The following BCO2 variants were observed in gnomAD, a reference collection of about 807,000 sequenced individuals.
BCO2 encodes beta-carotene oxygenase 2.
Under a neutral mutation model 65.8 loss-of-function variants are expected in BCO2, and 56 were observed. The observed-to-expected ratio is 0.85, with a 90% confidence interval of 0.69 to 1.06. BCO2 has a LOEUF of 1.06. BCO2 is among the 50% of genes least tolerant of loss of function. The pLI is 0.00. For synonymous variants in BCO2, 233 were observed against 242.3 expected (o/e 0.96, Z 0.36); for missense variants, 675 against 698.5 (o/e 0.97, Z 0.38).
In BCO2 at chr11:112,200,690, C is replaced by T. The variant is rs201362479; in HGVS notation, c.943C>T (p.Arg315Trp). Residue 315 changes from arginine (R) to tryptophan (W), a missense_variant, in exon 7 of 12, where the codon CGG becomes TGG. By Grantham distance (101) the Arg-to-Trp change is moderately radical. Transcript: ENST00000357685. ...GTGGAAAATTGCCACTTCTAAAATT[C>T]GGGGAAAGGCCTTTTCAGATGGGAT... ...NLWKIATSKIRGKAFSDGISW... is the reference protein window; with the variant it reads ...NLWKIATSKIWGKAFSDGISW... The T allele has an allele frequency of 5.0e-5, 81 of 1,613,734 alleles. No homozygotes were observed. In the East Asian group the frequency reaches 9.6e-4, roughly 19 times the overall value.
intron 8 of BCO2, among the ~76,000 whole-genome samples, chr11:112,211,317 TATACACAC>T (rs1253341986): frequency 1.6e-5 from 1 of 62,742 alleles, no homozygotes; most frequent in Non-Finnish European, 3.3e-5. Flanking sequence ...TATTCGATTG[TATACACAC>T]ACACACACAC....
chr11:112,194,652 G>A lies in BCO2; in HGVS notation c.634-1G>A, dbSNP rs754004705. The stretch of plus-strand genomic sequence containing the variant: ...AATCTCCAGTGGTCTCAAATTTGCA[G>A]GTAGATTGGAGCAAATTTATTGCTG... On this transcript the variant is annotated splice_acceptor_variant, in intron 4 of 11. Coordinates refer to ENST00000357685, the MANE Select transcript of BCO2 (RefSeq NM_031938.7). LOFTEE classifies it high-confidence loss of function. 36 of 1,602,678 alleles carry A rather than the reference G, an allele frequency of 2.2e-5. 1 individual carries two copies. Among genetic ancestry groups the A allele is most frequent in the Non-Finnish European group, 2.9e-5 (34 of 1,170,490 alleles).
intron 8 of BCO2, among the ~76,000 whole-genome samples, chr11:112,210,590 A>G (rs1427423136): frequency 6.6e-6 from 1 of 152,166 alleles, no homozygotes; most frequent in Non-Finnish European, 1.5e-5. Flanking sequence ...AAAACTATTG[A>G]AAAGCCCTTC....
At chr11:112,201,903 C>T in intron 7 of BCO2, 120 bp from the exon 8 acceptor site, 1 of 825,118 alleles carries the variant, frequency 1.2e-6, no homozygotes, top group Admixed American at 3.1e-5. Flanking sequence ...CCTGCCACTT[C>T]AGAGGGGAAA....
At chr11:112,196,108 G>C (rs1475478334) in intron 5 of BCO2, among the ~76,000 whole-genome samples, 3 of 152,188 alleles carry the variant, frequency 2.0e-5, no homozygotes, top group Non-Finnish European at 2.9e-5. Context: ...CTGGGTGTCT[G>C]TTTGTCTTAC....
intron 2 of BCO2, among the ~76,000 whole-genome samples, chr11:112,183,354 A>G (rs1339048535): frequency 6.6e-6 from 1 of 152,172 alleles, no homozygotes; most frequent in Non-Finnish European, 1.5e-5. Flanking sequence ...AATGGAAAAA[A>G]CTGACTTTTT....
intron 5 of BCO2, among the ~76,000 whole-genome samples, chr11:112,198,646 G>A (rs1867646058): frequency 6.6e-6 from 1 of 152,056 alleles, no homozygotes; most frequent in Admixed American, 6.6e-5. Flanking sequence ...TATCTGCGTT[G>A]ATTCTTGAAG....
intron 2 of BCO2, among the ~76,000 whole-genome samples, chr11:112,192,085 G>C (rs1345925748): frequency 1.3e-5 from 2 of 151,954 alleles, no homozygotes; most frequent in African/African-American, 4.8e-5. Context: ...TCTCCTTCCT[G>C]CTTCCTCCTG....
At chr11:112,200,517 C>T (rs1410686417) in intron 6 of BCO2, 96 bp from the exon 7 acceptor site, 18 of 1,072,002 alleles carry the variant, frequency 1.7e-5, no homozygotes, top group Middle Eastern at 2.5e-4. Context: ...GCATCAGTAA[C>T]GTGTCCAGGC....
intron 2 of BCO2, among the ~76,000 whole-genome samples, chr11:112,185,414 A>G (rs1361762975): frequency 2.6e-5 from 4 of 152,244 alleles, no homozygotes; most frequent in Non-Finnish European, 5.9e-5. Context: ...CTCTATGGCC[A>G]GGAAGGAATC....
At chr11:112,188,358 C>G (rs985817073) in intron 2 of BCO2, among the ~76,000 whole-genome samples, 4 of 152,196 alleles carry the variant, frequency 2.6e-5, no homozygotes, top group Non-Finnish European at 4.4e-5. Flanking sequence ...TGCTTATCTT[C>G]TCTTGCTTGA....
At chr11:112,183,160 C>T (rs187333855) in intron 2 of BCO2, 11 of 1,120,882 alleles carry the variant, frequency 9.8e-6, no homozygotes, top group African/African-American at 7.6e-5. Flanking sequence ...GAGATGCTAA[C>T]ACCACTATAC....
intron 1 of BCO2, among the ~76,000 whole-genome samples, chr11:112,178,345 C>T (rs1036737964): frequency 5.9e-5 from 9 of 152,108 alleles, no homozygotes; most frequent in Non-Finnish European, 1.0e-4. Context: ...AGTAGAATGT[C>T]TCGTGTGCTT....
At chr11:112,188,085 G>T (rs1161031477) in intron 2 of BCO2, among the ~76,000 whole-genome samples, 1 of 152,028 alleles carries the variant, frequency 6.6e-6, no homozygotes, top group East Asian at 1.9e-4. Flanking sequence ...TTGGGCTCTA[G>T]ACCTGTGTTT....
intron 8 of BCO2, among the ~76,000 whole-genome samples, chr11:112,206,118 G>A (rs890982254): frequency 2.6e-5 from 4 of 151,522 alleles, no homozygotes; most frequent in Admixed American, 2.0e-4. Context: ...CATCCTAGAC[G>A]GGCGGCAGCT....
In BCO2 at chr11:112,179,349, G is replaced by C. The variant is rs1019388741; in HGVS notation, c.160G>C (p.Val54Leu). ...TGGGCAGTGTCGGGGTCTGCCATGT[G>C]TTGCACCGCTGCTGACCACAGTGGA... ...VFGQCRGLPC[V>L]APLLTTVEEA... Residue 54 changes from valine (V) to leucine (L), a missense_variant, in exon 2 of 12, where the codon GTT becomes CTT. Transcript: ENST00000357685. The C allele has an allele frequency of 6.2e-7, 1 of 1,614,200 alleles. No individual in the cohort carries two copies. Among genetic ancestry groups the C allele is most frequent in the South Asian group, 1.1e-5 (1 of 91,084 alleles).
At chr11:112,202,235 T>C in intron 8 of BCO2, 45 bp downstream of exon 8, 1 of 1,535,998 alleles carries the variant, frequency 6.5e-7, no homozygotes, top group Non-Finnish European at 8.8e-7. Flanking sequence ...AATTTTGAAC[T>C]CCAAGATCTG....
At chr11:112,208,252 G>A (rs1859403227) in intron 8 of BCO2, among the ~76,000 whole-genome samples, 1 of 152,108 alleles carries the variant, frequency 6.6e-6, no homozygotes, top group Admixed American at 6.5e-5. Flanking sequence ...ATGAGTCACC[G>A]CACCTGGCCG....
intron 2 of BCO2, 130 bp from the exon 3 acceptor site, chr11:112,193,344 C>G (rs990138978): frequency 2.4e-6 from 2 of 846,884 alleles, no homozygotes; most frequent in Admixed American, 4.9e-5. Context: ...AGTTCTCTGA[C>G]TAATCAGGTT....
Sources: allele counts gnomAD v4.1 joint callset (sites outside exome capture counted in the v4.1 genomes callset), GRCh38; gene constraint gnomAD v4.1.1; transcripts MANE v1.5; gene names NCBI Gene and HGNC (gene_info 2026-07-23, HGNC 2026-07-21).